ADAMTSL1: variants seen among roughly 807,000 people sequenced by gnomAD.
The protein encoded by ADAMTSL1 is ADAMTS-like protein 1.
ADAMTSL1 carries 126 observed loss-of-function variants against 201.8 expected under a neutral mutation model. The observed-to-expected ratio is 0.62, with a 90% CI of 0.54 to 0.72. The LOEUF is 0.72. Ranked by LOEUF, ADAMTSL1 falls within the 30% of genes least tolerant of loss-of-function variation. The pLI, the probability that ADAMTSL1 is intolerant of heterozygous loss-of-function variation, is 0.00. For missense variants in ADAMTSL1, 2,679 were observed against 2,277.8 expected (o/e 1.18, Z -3.59); for synonymous variants, 1,121 against 903.4 (o/e 1.24, Z -4.32).
chr9:18,195,408 A>T (rs931616707), intron 2 of ADAMTSL1, among the ~76,000 whole-genome samples: 12 of 152,124 alleles, frequency 7.9e-5, no homozygotes, highest in Non-Finnish European at 1.8e-4. Flanking sequence ...CTAACATCCT[A>T]AAAGACAGGT....
chr9:18,907,927 A>G (rs1830406801), intron 28 of ADAMTSL1: 1 of 180,232 alleles, frequency 5.5e-6, no homozygotes, highest in South Asian at 1.2e-4. Flanking sequence ...CATGAAAATA[A>G]AGCTTAACAG....
intron 23 of ADAMTSL1, among the ~76,000 whole-genome samples, chr9:18,830,719 A>G (rs1435609541): frequency 6.6e-6 from 1 of 152,088 alleles, no homozygotes; most frequent in African/African-American, 2.4e-5. Flanking sequence ...TCTGCCTTCA[A>G]AAGGCCTGGT....
intron 23 of ADAMTSL1, among the ~76,000 whole-genome samples, chr9:18,871,879 C>G (rs1318402847): frequency 6.6e-6 from 1 of 152,154 alleles, no homozygotes; most frequent in Admixed American, 6.6e-5. Context: ...TAAAGCCAAC[C>G]TAGATAATAC....
At chr9:17,921,378 T>C (rs982762552) in intron 1 of ADAMTSL1, among the ~76,000 whole-genome samples, 1 of 152,138 alleles carries the variant, frequency 6.6e-6, no homozygotes, top group East Asian at 1.9e-4. Flanking sequence ...TCAGTTACAA[T>C]TCCTCCACCA....
intron 2 of ADAMTSL1, among the ~76,000 whole-genome samples, chr9:18,247,217 A>G (rs893928590): frequency 5.3e-5 from 8 of 152,248 alleles, no homozygotes; most frequent in Non-Finnish European, 1.2e-4. Flanking sequence ...TAATATTAAT[A>G]GTAACAGTAA....
rs536736639 is a variant in ADAMTSL1 at position 18,876,537 on chromosome 9, C to G, written c.4250-11294C>G. Among the ~76,000 whole-genome samples the G allele has an allele frequency of 3.6e-4, 55 of 152,076 alleles. 1 individual carries two copies. Among genetic ancestry groups the G allele is most frequent in the Non-Finnish European group, 2.9e-4 (20 of 67,990 alleles). On this transcript the variant is annotated intron_variant, in intron 23 of 28. Transcript: ENST00000380548. ...GCTTAGTTTCACTGGATACAAAATT[C>G]TTGGCTGATAATAGTTTTGTTTAAG...
chr9:18,441,627 A>G (rs1052573549), intron 2 of ADAMTSL1, among the ~76,000 whole-genome samples: 5 of 152,238 alleles, frequency 3.3e-5, no homozygotes, highest in African/African-American at 1.2e-4. Flanking sequence ...ATGTCAGAAG[A>G]TGAAGAATGG....
intron 2 of ADAMTSL1, among the ~76,000 whole-genome samples, chr9:18,411,026 G>GT (rs374258268): frequency 0.024 from 3,409 of 144,822 alleles, 138 homozygotes; most frequent in African/African-American, 0.08. Flanking sequence ...TTTTTGTTTG[G>GT]TTTTTTTTTT....
At chr9:18,012,778 C>T (rs554239905) in intron 1 of ADAMTSL1, among the ~76,000 whole-genome samples, 5 of 151,998 alleles carry the variant, frequency 3.3e-5, no homozygotes, top group South Asian at 2.1e-4. Flanking sequence ...TATCACAATG[C>T]GGGAGCTTTG....
At chr9:18,273,628 C>G (rs1490069807) in intron 2 of ADAMTSL1, among the ~76,000 whole-genome samples, 1 of 152,190 alleles carries the variant, frequency 6.6e-6, no homozygotes, top group Admixed American at 6.5e-5. Flanking sequence ...CATTCTTATT[C>G]TACCACTGAG....
intron 1 of ADAMTSL1, among the ~76,000 whole-genome samples, chr9:17,950,510 T>C (rs898135658): frequency 1.3e-5 from 2 of 151,298 alleles, no homozygotes; most frequent in African/African-American, 4.8e-5. Flanking sequence ...TGATTGTATA[T>C]ATTTTTAAAT....
intron 1 of ADAMTSL1, among the ~76,000 whole-genome samples, chr9:18,113,196 T>C (rs981756365): frequency 6.6e-5 from 10 of 152,044 alleles, no homozygotes; most frequent in Non-Finnish European, 1.2e-4. Flanking sequence ...TGAAGGACAA[T>C]GAGTAAGTCC....
chr9:17,983,068 C>G lies in ADAMTSL1; in HGVS notation c.87+76146C>G, dbSNP rs35678483. ...CATTTTCTTTTTCTTTTCTTTCTTT[C>G]TTTCTTTCTTTTTTTTTTTTGAGAC... On this transcript the variant is annotated intron_variant, in intron 1 of 29. Transcript: ENST00000680146. Among the ~76,000 whole-genome samples, 4 of 97,460 alleles carry G rather than the reference C, an allele frequency of 4.1e-5. No individual in the cohort carries two copies. In the South Asian group the frequency reaches 1.2e-3, roughly 30 times the overall value. The allele number at this position is 97,460 out of a possible 152,430, so 63.9% of individuals were successfully genotyped here.
intron 26 of ADAMTSL1, among the ~76,000 whole-genome samples, chr9:18,893,832 C>T (rs1829446733): frequency 6.6e-6 from 1 of 152,254 alleles, no homozygotes; most frequent in African/African-American, 2.4e-5. Flanking sequence ...TGCCTACCTT[C>T]ATGAAGTCTA....
intron 2 of ADAMTSL1, among the ~76,000 whole-genome samples, chr9:18,176,754 G>A (rs1352483409): frequency 6.6e-6 from 1 of 152,156 alleles, no homozygotes; most frequent in Non-Finnish European, 1.5e-5. Context: ...CTTTCTAGGA[G>A]TTCAGAATGT....
intron 2 of ADAMTSL1, among the ~76,000 whole-genome samples, chr9:18,387,082 T>G (rs919367965): frequency 6.6e-6 from 1 of 152,102 alleles, no homozygotes; most frequent in East Asian, 1.9e-4. Flanking sequence ...TTTCAAAAAT[T>G]AATATATACA....
chr9:17,966,237 A>G (rs561140994), intron 1 of ADAMTSL1, among the ~76,000 whole-genome samples: 1 of 152,284 alleles, frequency 6.6e-6, no homozygotes, highest in South Asian at 2.1e-4. Flanking sequence ...ACAGAGAAGA[A>G]ATAAGTAAGT....
chr9:18,218,189 A>C (rs1345755148), intron 2 of ADAMTSL1, among the ~76,000 whole-genome samples: 1 of 152,216 alleles, frequency 6.6e-6, no homozygotes, highest in African/African-American at 2.4e-5. Flanking sequence ...TGAAGATCCA[A>C]ATATTGTAAA....
At chr9:18,172,142 G>A (rs1827925918) in intron 2 of ADAMTSL1, among the ~76,000 whole-genome samples, 1 of 149,222 alleles carries the variant, frequency 6.7e-6, no homozygotes, top group African/African-American at 2.5e-5. Context: ...GTGGGGGGCT[G>A]GGGAGGGATA....
Sources: gnomAD v4.1 joint callset for allele counts (sites outside exome capture counted in the v4.1 genomes callset) on GRCh38, gnomAD v4.1.1 for gene constraint, MANE v1.5 for transcripts, NCBI Gene and HGNC (gene_info 2026-07-23, HGNC 2026-07-21) for gene names.